The following UTY variants were observed in gnomAD, a reference collection of about 807,000 sequenced individuals.
The protein encoded by UTY is ubiquitously transcribed tetratricopeptide repeat containing, Y-linked, also known as histone demethylase UTY.
UTY carries 12 observed loss-of-function variants against 32.5 expected under a neutral mutation model. The observed-to-expected ratio is 0.37, with a 90% confidence interval of 0.24 to 0.60. The LOEUF (loss-of-function observed/expected upper bound fraction) is 0.60. UTY is among the 20% of genes least tolerant of loss of function. The probability of loss-of-function intolerance (pLI) is 0.69; values close to 1 mark genes in which losing one functional copy is unlikely to be tolerated. For synonymous variants in UTY, 131 were observed against 103.4 expected (o/e 1.27, Z -1.62); for missense variants, 303 against 299.2 (o/e 1.01, Z -0.09).
intron 4 of UTY, among the ~76,000 whole-genome samples, chrY:13,440,507 C>T: frequency 6.0e-5 from 2 of 33,058 alleles, no homozygotes; most frequent in East Asian, 7.9e-4. Context: ...ACAAAGGGGG[C>T]GGAAATACAA....
At chrY:13,449,137 A>T in intron 3 of UTY, 71 bp from the exon 4 acceptor site, 1 of 208,041 alleles carries the variant, frequency 4.8e-6, no homozygotes, top group Non-Finnish European at 7.6e-6. Flanking sequence ...CATTAAATTG[A>T]TATTTTAATA....
Position 13,269,559 on chromosome Y carries a change from AAAC to A in UTY, c.4011-9158_4011-9156del, listed in dbSNP as rs2056112309. 1.6e-4 allele frequency among the ~76,000 whole-genome samples: 4 copies of A among 24,696 alleles called. No individual in the cohort carries two copies. The East Asian group carries it at 4.1e-3, about 25-fold the overall frequency. The allele number at this position is 24,696 out of a possible 37,273, so 66.3% of individuals were successfully genotyped here. ...GGCTCCACTGTGGGCATGAAAAACA[AAAC>A]AAAACAAAACAAAACAAAACAAAAC... On this transcript the variant is annotated intron_variant, in intron 27 of 29. Coordinates refer to ENST00000545955, the MANE Select transcript of UTY (RefSeq NM_001258249.2).
At chrY:13,254,502 A>C in intron 28 of UTY, among the ~76,000 whole-genome samples, 1 of 33,306 alleles carries the variant, frequency 3.0e-5, no homozygotes. Context: ...GGCCCATCCC[A>C]AGCCCTGTTC....
chrY:13,384,489 C>T (rs536816590), intron 8 of UTY, among the ~76,000 whole-genome samples: 602 of 31,902 alleles, frequency 0.019, no homozygotes, highest in Middle Eastern at 0.17. Context: ...ATGGTGAAAT[C>T]CTGACTCTAC....
chrY:13,362,195 T>C (rs2063622212), intron 10 of UTY, among the ~76,000 whole-genome samples: 1 of 33,598 alleles, frequency 3.0e-5, no homozygotes, highest in African/African-American at 1.2e-4. Context: ...TTCCCTTTAA[T>C]GCAACATGTC....
At chrY:13,292,388 G>A in intron 27 of UTY, among the ~76,000 whole-genome samples, 1 of 28,400 alleles carries the variant, frequency 3.5e-5, no homozygotes, top group Admixed American at 3.3e-4. Flanking sequence ...GGTGGAGGTT[G>A]CCATGAGCCA....
At chrY:13,294,250 C>T (rs2057908174) in intron 27 of UTY, among the ~76,000 whole-genome samples, 1 of 33,390 alleles carries the variant, frequency 3.0e-5, no homozygotes, top group Non-Finnish European at 7.4e-5. Flanking sequence ...AGGGTACTGG[C>T]ATAAACACAG....
chrY:13,443,343 G>C (rs376280766), intron 4 of UTY, among the ~76,000 whole-genome samples: 3 of 33,024 alleles, frequency 9.1e-5, no homozygotes, highest in African/African-American at 2.4e-4. Flanking sequence ...CCTTACCCCA[G>C]CTCTGTCCAG....
intron 18 of UTY, among the ~76,000 whole-genome samples, chrY:13,327,126 T>C: frequency 3.0e-5 from 1 of 33,564 alleles, no homozygotes; most frequent in East Asian, 7.6e-4. Flanking sequence ...TTTAACAAAT[T>C]CAGAAAATTG....
intron 28 of UTY, among the ~76,000 whole-genome samples, chrY:13,236,273 G>A (rs927860119): frequency 6.3e-5 from 2 of 31,817 alleles, no homozygotes; most frequent in Non-Finnish European, 1.5e-4. Context: ...ATACATTACT[G>A]CAGATACTAT....
At chrY:13,478,762 T>C (rs748413504) in intron 2 of UTY, among the ~76,000 whole-genome samples, 6 of 33,523 alleles carry the variant, frequency 1.8e-4, no homozygotes, top group African/African-American at 7.0e-4. Context: ...AGGCTAAACA[T>C]ACACGCATCA....
intron 28 of UTY, among the ~76,000 whole-genome samples, chrY:13,236,830 A>G: frequency 2.9e-5 from 1 of 33,986 alleles, no homozygotes; most frequent in Non-Finnish European, 7.3e-5. Context: ...AGAGCACTTG[A>G]AAGTTTCAAC....
intron 21 of UTY, among the ~76,000 whole-genome samples, chrY:13,315,822 C>G: frequency 3.2e-5 from 1 of 31,401 alleles, no homozygotes; most frequent in Non-Finnish European, 7.7e-5. Context: ...TAATCAGGAA[C>G]TCAAAAGAAT....
At chrY:13,439,576 A>G (rs2074993967) in intron 4 of UTY, among the ~76,000 whole-genome samples, 1 of 33,277 alleles carries the variant, frequency 3.0e-5, no homozygotes, top group African/African-American at 1.2e-4. Flanking sequence ...CGGACAATAA[A>G]GCAACTGTTT....
Position 13,321,365 on chromosome Y carries a change from T to C in UTY, c.3276+2190A>G, listed in dbSNP as rs777045899. Among the ~76,000 whole-genome samples, 13 of 33,301 alleles carry C rather than the reference T, an allele frequency of 3.9e-4. No homozygotes were observed. In the South Asian group the frequency reaches 8.7e-3, roughly 22 times the overall value. 89.3% of individuals were successfully genotyped at this position (33,301 alleles called of 37,273 possible). A position where few individuals can be genotyped will look rare whatever the true frequency, so the allele number is the denominator to read the frequency against. The stretch of plus-strand genomic sequence containing the variant: ...ACAAAACCTGACACCAGAGACTCAT[T>C]TTCTTCTGAAATGCTTTCTCCAAAA... On this transcript the variant is annotated intron_variant, in intron 21 of 29. Coordinates refer to ENST00000545955, the MANE Select transcript of UTY (RefSeq NM_001258249.2).
chrY:13,298,507 C>T, intron 26 of UTY, among the ~76,000 whole-genome samples: 3 of 32,805 alleles, frequency 9.1e-5, no homozygotes. Context: ...GTAATCTCAG[C>T]GCTTTGAAAG....
downstream of UTY, among the ~76,000 whole-genome samples, chrY:13,243,712 T>C (rs2148324727): frequency 3.0e-5 from 1 of 33,397 alleles, no homozygotes; most frequent in South Asian, 6.8e-4. Context: ...TCAACATGTC[T>C]AAGCATGAGG....
chrY:13,249,427 A>AC lies in UTY; in HGVS notation c.*428dup, dbSNP rs2054003298. The AC allele has an allele frequency of 2.3e-5, 1 of 43,824 alleles. No individual in the cohort carries two copies. The highest frequency in any genetic ancestry group is 1.1e-4 in the African/African-American group (1 of 9,186). The allele number at this position is 43,824 out of a possible 400,897, so 10.9% of individuals were successfully genotyped here. Reference sequence around the variant, plus strand: ...AAAAAACTTCCTCAGATAATAGTACACATTTTTTAAAAGCTGATCGAGGAG... The same window carrying AC: ...AAAAAACTTCCTCAGATAATAGTACACCATTTTTTAAAAGCTGATCGAGGAG... On this transcript the variant is annotated 3_prime_UTR_variant, in exon 30 of 30. Transcript: ENST00000545955.
Position 13,335,597 on chromosome Y carries a change from A to G in UTY, c.2800T>C (p.Cys934Arg). 2 of 398,925 alleles carry G rather than the reference A, an allele frequency of 5.0e-6. No homozygotes were observed. The highest frequency in any genetic ancestry group is 7.1e-6 in the Non-Finnish European group (2 of 283,608). ...QILPSMSVSICPSSTEVLKAC... is the reference protein window; with the variant it reads ...QILPSMSVSIRPSSTEVLKAC... ...TTCAGAACTTCTGTTGAACTGGGGCATATAGACACTGACATTGATGGTAAG... is the reference window on the plus strand; with the variant it reads ...TTCAGAACTTCTGTTGAACTGGGGCGTATAGACACTGACATTGATGGTAAG... The change falls in exon 18 of 30, where the codon TGC becomes CGC. Residue 934 changes from cysteine to arginine, a missense_variant. Transcript: ENST00000545955.
Sources: allele counts gnomAD v4.1 joint callset (sites outside exome capture counted in the v4.1 genomes callset), GRCh38; gene constraint gnomAD v4.1.1; transcripts MANE v1.5; gene names NCBI Gene and HGNC (gene_info 2026-07-23, HGNC 2026-07-21).